DOCK1: variants seen among roughly 807,000 people sequenced by gnomAD.
DOCK1 encodes dedicator of cytokinesis 1.
In DOCK1, 138 loss-of-function variants were observed where a neutral mutation model predicts 262.7. That is an observed-to-expected ratio of 0.53 (90% CI 0.46 to 0.61). DOCK1 has a LOEUF of 0.61. Among genes scored for constraint, DOCK1 ranks in the 20% least tolerant of loss-of-function variants. The probability of loss-of-function intolerance (pLI) is 0.00; values close to 1 mark genes in which losing one functional copy is unlikely to be tolerated. For missense variants in DOCK1, 1,908 were observed against 2,370.7 expected, an observed-to-expected ratio of 0.80 and a Z score of 4.05; for synonymous variants, 866 against 867.4, an observed-to-expected ratio of 1.00 and a Z score of 0.03.
At chr10:127,010,586 A>G (rs554231094) in intron 11 of DOCK1, among the ~76,000 whole-genome samples, 175 of 152,312 alleles carry the variant, frequency 1.1e-3, no homozygotes, top group African/African-American at 4.1e-3. Context: ...CAGCACATAC[A>G]TAGCACATCT....
chr10:126,947,538 T>TTGG (rs1487391805), intron 1 of DOCK1, among the ~76,000 whole-genome samples: 2 of 124,314 alleles, frequency 1.6e-5, no homozygotes, highest in Non-Finnish European at 3.4e-5. Flanking sequence ...AGTATTACTG[T>TTGG]TGGTGGTGAT....
chr10:127,309,983 C>G (rs2062006276), intron 29 of DOCK1, among the ~76,000 whole-genome samples: 1 of 151,746 alleles, frequency 6.6e-6, no homozygotes, highest in South Asian at 2.1e-4. Flanking sequence ...TCAAGCAATT[C>G]TTGTGCCTCA....
chr10:126,934,017 AT>A (rs2034372591), intron 1 of DOCK1, among the ~76,000 whole-genome samples: 1 of 152,090 alleles, frequency 6.6e-6, no homozygotes, highest in African/African-American at 2.4e-5. Flanking sequence ...AGGTTTTGCC[AT>A]GTTGGACAGG....
intron 27 of DOCK1, chr10:127,135,762 A>G (rs1035632817): frequency 6.6e-6 from 1 of 152,606 alleles, no homozygotes; most frequent in African/African-American, 2.4e-5. Context: ...ACTGGTGTGA[A>G]ACAGTGACAT....
intron 1 of DOCK1, among the ~76,000 whole-genome samples, chr10:126,949,557 AG>A (rs2035998289): frequency 6.6e-6 from 1 of 152,096 alleles, no homozygotes; most frequent in Non-Finnish European, 1.5e-5. Flanking sequence ...CAGAGCAGCA[AG>A]GGCAGAGCTG....
chr10:127,361,345 A>T (rs1273928535), intron 32 of DOCK1, among the ~76,000 whole-genome samples: 1 of 151,956 alleles, frequency 6.6e-6, no homozygotes, highest in Non-Finnish European at 1.5e-5. Context: ...CGATCTCCTG[A>T]CCTCGTGATC....
intron 6 of DOCK1, among the ~76,000 whole-genome samples, chr10:126,993,200 C>T (rs936546328): frequency 6.6e-6 from 1 of 152,254 alleles, no homozygotes; most frequent in African/African-American, 2.4e-5. Context: ...CAGGCTGGCA[C>T]AGGGCCGTCC....
At chr10:127,157,699 C>T (rs1266889149) in intron 27 of DOCK1, among the ~76,000 whole-genome samples, 1 of 152,072 alleles carries the variant, frequency 6.6e-6, no homozygotes, top group Non-Finnish European at 1.5e-5. Flanking sequence ...GGTGGTCTGT[C>T]AGTTTCTAAA....
At chr10:127,285,409 A>C (rs1385736277) in intron 29 of DOCK1, among the ~76,000 whole-genome samples, 1 of 152,256 alleles carries the variant, frequency 6.6e-6, no homozygotes, top group Non-Finnish European at 1.5e-5. Flanking sequence ...AAACAGTGAA[A>C]GATGAGAAGT....
intron 27 of DOCK1, among the ~76,000 whole-genome samples, chr10:127,214,525 G>C (rs1352022421): frequency 6.6e-6 from 1 of 152,162 alleles, no homozygotes; most frequent in Admixed American, 6.5e-5. Flanking sequence ...TGGTCCATTC[G>C]TTTTCTTAGC....
rs1291374256 is a variant in DOCK1, at chr10:127,378,886, C to T, written c.3676-1196C>T. ...CAGTAAAGTGTCAGAGGCAACAGAA[C>T]TTGAAAATCTTGGTGCATTTTTCTA... On this transcript the variant is annotated intron_variant, in intron 35 of 51. Coordinates refer to ENST00000623213, the MANE Select transcript of DOCK1 (RefSeq NM_001290223.2). Among the ~76,000 whole-genome samples the T allele has an allele frequency of 3.3e-5, 5 of 152,204 alleles. No homozygotes were observed. The East Asian group carries it at 9.6e-4, about 29-fold the overall frequency.
intron 33 of DOCK1, among the ~76,000 whole-genome samples, chr10:127,371,276 G>A (rs75679656): frequency 0.048 from 7,362 of 152,310 alleles, 235 homozygotes; most frequent in Middle Eastern, 0.085. Flanking sequence ...AAACAGATCA[G>A]GGTGGCCAGG....
intron 11 of DOCK1, among the ~76,000 whole-genome samples, chr10:127,010,345 T>C (rs1033867661): frequency 6.6e-6 from 1 of 152,152 alleles, no homozygotes; most frequent in African/African-American, 2.4e-5. Context: ...CAGGTGCCTG[T>C]AATCCCAGCT....
chr10:127,182,308 C>CA (rs1589816911), intron 27 of DOCK1, among the ~76,000 whole-genome samples: 1 of 151,978 alleles, frequency 6.6e-6, no homozygotes, highest in African/African-American at 2.4e-5. Flanking sequence ...TCTTAACGAA[C>CA]AAAAAAACCT....
chr10:127,129,650 C>T (rs1316583082), intron 27 of DOCK1, among the ~76,000 whole-genome samples: 6 of 152,168 alleles, frequency 3.9e-5, no homozygotes, highest in African/African-American at 1.2e-4. Context: ...TTCTTGGAGT[C>T]GTGCCGCAGG....
chr10:127,037,855 T>C, intron 19 of DOCK1, 39 bp downstream of exon 19: 1 of 1,444,794 alleles, frequency 6.9e-7, no homozygotes, highest in African/African-American at 1.5e-5. Flanking sequence ...GGTCTTTTTT[T>C]TTTTTTTTTT....
At chr10:126,974,630 G>A (rs1257312742) in intron 2 of DOCK1, among the ~76,000 whole-genome samples, 6 of 152,050 alleles carry the variant, frequency 3.9e-5, no homozygotes, top group African/African-American at 1.2e-4. Flanking sequence ...TAATCGTTCC[G>A]TTCTGTTCTC....
chr10:127,436,590 T>C (rs1591055250), intron 48 of DOCK1, among the ~76,000 whole-genome samples: 1 of 151,852 alleles, frequency 6.6e-6, no homozygotes, highest in East Asian at 1.9e-4. Context: ...TGCCCCATCA[T>C]GCAGTCTTGA....
chr10:127,204,924 G>T (rs2057645085), intron 27 of DOCK1, among the ~76,000 whole-genome samples: 1 of 152,100 alleles, frequency 6.6e-6, no homozygotes, highest in African/African-American at 2.4e-5. Flanking sequence ...CTCCCCATTT[G>T]ACTGTGGGTG....
Sources: allele counts gnomAD v4.1 joint callset (sites outside exome capture counted in the v4.1 genomes callset), GRCh38; gene constraint gnomAD v4.1.1; transcripts MANE v1.5; gene names NCBI Gene and HGNC (gene_info 2026-07-23, HGNC 2026-07-21).